Variants in TPRG1 observed in about 807,000 individuals in gnomAD.
TPRG1 encodes the protein tumor protein p63 regulated 1.
Under a neutral mutation model 29.3 loss-of-function variants are expected in TPRG1, and 29 were observed. The observed-to-expected ratio is 0.99, with a 90% CI of 0.74 to 1.35. The LOEUF is 1.35. TPRG1 is among the 40% of genes most tolerant of loss of function. The pLI is 0.00. For synonymous variants in TPRG1, 130 were observed against 116.8 expected (o/e 1.11, Z -0.73); for missense variants, 327 against 335.0 (o/e 0.98, Z 0.19).
intron 3 of TPRG1, among the ~76,000 whole-genome samples, chr3:189,145,672 A>T (rs2108582887): frequency 6.6e-6 from 1 of 152,338 alleles, no homozygotes; most frequent in African/African-American, 2.4e-5. Flanking sequence ...TAATAGCAAT[A>T]ACATTAATAA....
chr3:189,133,589 C>T (rs1391936474), intron 3 of TPRG1, among the ~76,000 whole-genome samples: 5 of 152,194 alleles, frequency 3.3e-5, no homozygotes, highest in African/African-American at 1.2e-4. Context: ...GCAGAAGGTC[C>T]TTGCTTTCTC....
At chr3:189,015,024 A>G (rs1359404522) in intron 3 of TPRG1, among the ~76,000 whole-genome samples, 2 of 152,186 alleles carry the variant, frequency 1.3e-5, no homozygotes, top group Non-Finnish European at 1.5e-5. Flanking sequence ...AGAAGATAAG[A>G]TGACGCAGGA....
At chr3:189,140,042 C>A (rs576050527) in intron 3 of TPRG1, among the ~76,000 whole-genome samples, 17 of 152,148 alleles carry the variant, frequency 1.1e-4, no homozygotes, top group Non-Finnish European at 2.5e-4. Context: ...CCTGTCAGAT[C>A]TATGCACACA....
At chr3:189,041,713 C>A (rs1032436248) in intron 4 of TPRG1, among the ~76,000 whole-genome samples, 1 of 152,122 alleles carries the variant, frequency 6.6e-6, no homozygotes, top group Non-Finnish European at 1.5e-5. Flanking sequence ...AATGTGATTT[C>A]TTTTTGAGAG....
intron 1 of TPRG1, 195 bp from the exon 2 acceptor site, chr3:189,207,181 C>T: frequency 4.1e-6 from 4 of 984,732 alleles, no homozygotes; most frequent in Non-Finnish European, 4.8e-6. Context: ...TGGTAAATGA[C>T]CTTGCAGGAT....
intron 1 of TPRG1, among the ~76,000 whole-genome samples, chr3:189,104,424 G>A (rs1031458135): frequency 2.6e-5 from 4 of 151,998 alleles, no homozygotes; most frequent in African/African-American, 9.7e-5. Context: ...AATTCAATCA[G>A]CATGATTATC....
chr3:189,177,973 C>T (rs1427061733), intron 1 of TPRG1, among the ~76,000 whole-genome samples: 1 of 152,070 alleles, frequency 6.6e-6, no homozygotes, highest in Non-Finnish European at 1.5e-5. Context: ...TCCTGGGAGT[C>T]AGGCAAAGGA....
At chr3:189,103,571 G>GT (rs758231747) in intron 1 of TPRG1, among the ~76,000 whole-genome samples, 30 of 152,156 alleles carry the variant, frequency 2.0e-4, no homozygotes, top group Non-Finnish European at 4.0e-4. Context: ...GAGACTGTAT[G>GT]TTTTTTAATC....
chr3:189,078,049 T>TC (rs1560430537), intron 4 of TPRG1, among the ~76,000 whole-genome samples: 30 of 145,804 alleles, frequency 2.1e-4, no homozygotes, highest in African/African-American at 5.8e-4. Flanking sequence ...CCTTCCTTCC[T>TC]TCCTTCCTTC....
chr3:189,141,637 T>C (rs1676592698), intron 3 of TPRG1, among the ~76,000 whole-genome samples: 1 of 152,214 alleles, frequency 6.6e-6, no homozygotes, highest in Admixed American at 6.5e-5. Context: ...CAAACTGCTC[T>C]GAGCACTTTG....
chr3:189,069,585 T>C (rs1019128987), intron 4 of TPRG1, among the ~76,000 whole-genome samples: 2 of 152,132 alleles, frequency 1.3e-5, no homozygotes, highest in Non-Finnish European at 2.9e-5. Flanking sequence ...CAAAAATGTT[T>C]AATAAAAAAA....
intron 5 of TPRG1, among the ~76,000 whole-genome samples, chr3:189,161,346 TG>T (rs1430217430): frequency 6.6e-6 from 1 of 152,238 alleles, no homozygotes; most frequent in Non-Finnish European, 1.5e-5. Flanking sequence ...GTTATTCACT[TG>T]TTTCTCCTCA....
At chr3:189,309,097 G>T (rs1167243281) in intron 4 of TPRG1, among the ~76,000 whole-genome samples, 4 of 136,736 alleles carry the variant, frequency 2.9e-5, no homozygotes, top group Non-Finnish European at 1.5e-5. Flanking sequence ...TTTCTTCTTG[G>T]GCAAAGGATT....
At chr3:189,275,322 A>G (rs1305045174) in intron 4 of TPRG1, among the ~76,000 whole-genome samples, 4 of 152,208 alleles carry the variant, frequency 2.6e-5, no homozygotes, top group African/African-American at 9.7e-5. Flanking sequence ...AGTTCCTGCT[A>G]TAACTACTAC....
intron 4 of TPRG1, chr3:189,267,632 T>C (rs183965845): frequency 6.6e-6 from 1 of 151,424 alleles, no homozygotes; most frequent in East Asian, 2.0e-4. Flanking sequence ...GTGTGAAAAG[T>C]TGTTTAAGTA....
Position 189,238,892 on chromosome 3 carries a change from T to C in TPRG1, c.462T>C (p.Pro154=). Residue 154 remains proline, a synonymous_variant, in exon 4 of 6, where the codon CCT becomes CCC. Coordinates refer to ENST00000345063, the MANE Select transcript of TPRG1 (RefSeq NM_198485.4). ...TCTGCCTGGGCAAGTTCACCTTCCCTGGGATGTCCCTGGACAAGTGAGTAT... is the reference window on the plus strand; with the variant it reads ...TCTGCCTGGGCAAGTTCACCTTCCCCGGGATGTCCCTGGACAAGTGAGTAT... ...YRICLGKFTF[P]GMSLDKRQGE... 2 of 1,612,568 alleles carry C rather than the reference T, an allele frequency of 1.2e-6. No individual in the cohort carries two copies. The highest frequency in any genetic ancestry group is 1.7e-6 in the Non-Finnish European group (2 of 1,179,060).
intron 3 of TPRG1, among the ~76,000 whole-genome samples, chr3:189,227,634 A>G (rs6773697): frequency 0.38 from 57,594 of 152,094 alleles, 11,019 homozygotes; most frequent in South Asian, 0.52. Flanking sequence ...AACTTAAAAA[A>G]TGCAATCATT....
intron 3 of TPRG1, among the ~76,000 whole-genome samples, chr3:189,238,041 C>T (rs764616025): frequency 6.6e-6 from 1 of 152,174 alleles, no homozygotes; most frequent in Non-Finnish European, 1.5e-5. Context: ...TCTGAATTCT[C>T]AGTCAGAATG....
chr3:189,319,554 A>G (rs1441139979), intron 5 of TPRG1, among the ~76,000 whole-genome samples: 2 of 151,912 alleles, frequency 1.3e-5, no homozygotes, highest in African/African-American at 2.4e-5. Flanking sequence ...TAATTTAACC[A>G]GTTCCGATGG....
Sources: allele counts gnomAD v4.1 joint callset (sites outside exome capture counted in the v4.1 genomes callset), GRCh38; gene constraint gnomAD v4.1.1; transcripts MANE v1.5; gene names NCBI Gene and HGNC (gene_info 2026-07-23, HGNC 2026-07-21).